SBF2: variants seen among roughly 807,000 people sequenced by gnomAD.
The protein encoded by SBF2 is myotubularin-related protein 13.
Under a neutral mutation model 225.2 loss-of-function variants are expected in SBF2, and 112 were observed. The observed-to-expected ratio is 0.50, with a 90% CI of 0.43 to 0.58. SBF2 has a LOEUF of 0.58. SBF2 is among the 20% of genes least tolerant of loss of function. SBF2 has a pLI of 0.00. For missense variants in SBF2, 1,996 were observed against 2,206.2 expected (o/e 0.90, Z 1.91); for synonymous variants, 763 against 773.3 (o/e 0.99, Z 0.22).
chr11:10,071,809 C>T (rs1950892279), intron 2 of SBF2, among the ~76,000 whole-genome samples: 2 of 152,078 alleles, frequency 1.3e-5, no homozygotes, highest in Admixed American at 6.6e-5. Flanking sequence ...TATTGATTTG[C>T]ATATGTTGAA....
At position 9,918,934 on chromosome 11, in the gene SBF2, C is replaced by G. The variant is rs1001626576; in HGVS notation, c.1861-22923G>C. The stretch of plus-strand genomic sequence containing the variant: ...TTTCTATTTTTTTTTAGTAGAGACG[C>G]GGTTTCACCGTGTTAGCCAGGATGG... On this transcript the variant is annotated intron_variant, in intron 16 of 39. Coordinates refer to ENST00000256190, the MANE Select transcript of SBF2 (RefSeq NM_030962.4). Among the ~76,000 whole-genome samples the G allele has an allele frequency of 7.2e-5, 11 of 151,834 alleles. No individual in the cohort carries two copies. In the South Asian group the frequency reaches 1.5e-3, roughly 20 times the overall value.
At chr11:10,019,146 G>C (rs183352961) in intron 6 of SBF2, among the ~76,000 whole-genome samples, 1 of 152,158 alleles carries the variant, frequency 6.6e-6, no homozygotes, top group Non-Finnish European at 1.5e-5. Flanking sequence ...TCAGGAGCTG[G>C]CACATAATAA....
chr11:9,973,740 C>T (rs1370942561), intron 13 of SBF2, among the ~76,000 whole-genome samples: 1 of 152,054 alleles, frequency 6.6e-6, no homozygotes, highest in African/African-American at 2.4e-5. Flanking sequence ...GAATACAAGG[C>T]TTGAAACTAA....
At chr11:10,226,071 G>A (rs1958524587) in intron 1 of SBF2, among the ~76,000 whole-genome samples, 1 of 152,062 alleles carries the variant, frequency 6.6e-6, no homozygotes, top group South Asian at 2.1e-4. Context: ...TGACCTATGT[G>A]TCATTTGGAT....
chr11:9,992,779 T>A (rs1222372048), intron 11 of SBF2, among the ~76,000 whole-genome samples: 2 of 151,826 alleles, frequency 1.3e-5, no homozygotes, highest in African/African-American at 2.4e-5. Flanking sequence ...AACATTCAAT[T>A]TTAAAAGAAA....
intron 32 of SBF2, among the ~76,000 whole-genome samples, chr11:9,806,752 A>G (rs1348096369): frequency 6.6e-6 from 1 of 152,140 alleles, no homozygotes; most frequent in Non-Finnish European, 1.5e-5. Flanking sequence ...GTGGGGTGAA[A>G]GGTTGGAAAG....
At chr11:10,046,380 G>C (rs910030279) in intron 2 of SBF2, among the ~76,000 whole-genome samples, 1 of 152,114 alleles carries the variant, frequency 6.6e-6, no homozygotes, top group Non-Finnish European at 1.5e-5. Flanking sequence ...AAAAATATTA[G>C]CAAGTTGAAT....
chr11:9,929,833 A>T (rs1218041795), intron 16 of SBF2, among the ~76,000 whole-genome samples: 1 of 152,212 alleles, frequency 6.6e-6, no homozygotes, highest in Non-Finnish European at 1.5e-5. Flanking sequence ...TTGAATCTTG[A>T]AGCACAGACA....
At chr11:9,913,559 T>C (rs1412950792) in intron 16 of SBF2, among the ~76,000 whole-genome samples, 1 of 152,136 alleles carries the variant, frequency 6.6e-6, no homozygotes, top group African/African-American at 2.4e-5. Flanking sequence ...CCTAGGTATA[T>C]ATTCTAACAC....
chr11:10,097,448 T>A (rs79620239), intron 2 of SBF2, among the ~76,000 whole-genome samples: 10,354 of 152,314 alleles, frequency 0.068, 533 homozygotes, highest in East Asian at 0.28. Context: ...AGTATTACTT[T>A]CCAGGCAAGT....
At chr11:9,864,346 T>C (rs973593670) in intron 17 of SBF2, among the ~76,000 whole-genome samples, 4 of 148,608 alleles carry the variant, frequency 2.7e-5, no homozygotes, top group African/African-American at 9.7e-5. Context: ...ATTCACTTGA[T>C]GTGCCAGATT....
intron 2 of SBF2, among the ~76,000 whole-genome samples, chr11:10,168,782 C>T (rs1436962285): frequency 4.6e-5 from 7 of 152,246 alleles, no homozygotes; most frequent in Admixed American, 6.5e-5. Flanking sequence ...TTTAAAACAA[C>T]GCAGGGTTCC....
At chr11:10,030,055 C>T (rs554391794) in intron 4 of SBF2, among the ~76,000 whole-genome samples, 180 bp from the exon 5 acceptor site, 1 of 152,240 alleles carries the variant, frequency 6.6e-6, no homozygotes, top group African/African-American at 2.4e-5. Context: ...AACCAGAACC[C>T]CCAAATGAGC....
chr11:9,993,183 C>A, intron 10 of SBF2, 80 bp from the exon 11 acceptor site: 3 of 1,004,290 alleles, frequency 3.0e-6, no homozygotes, highest in East Asian at 2.4e-5. Context: ...GTGAAAAGGG[C>A]ATATATTCCA....
intron 2 of SBF2, among the ~76,000 whole-genome samples, chr11:10,092,217 G>A (rs1454477013): frequency 6.6e-6 from 1 of 152,004 alleles, no homozygotes; most frequent in African/African-American, 2.4e-5. Context: ...GAACAGTAAG[G>A]GTCTCAGGCC....
chr11:10,177,816 T>C (rs930272341), intron 2 of SBF2, among the ~76,000 whole-genome samples: 5 of 149,566 alleles, frequency 3.3e-5, no homozygotes, highest in Admixed American at 1.3e-4. Flanking sequence ...TACCAATGAC[T>C]TTCTTCACAG....
chr11:10,067,727 T>G (rs1027862719), intron 2 of SBF2, among the ~76,000 whole-genome samples: 1 of 152,032 alleles, frequency 6.6e-6, no homozygotes, highest in Non-Finnish European at 1.5e-5. Flanking sequence ...AGACCCTGTC[T>G]CTATAAAAAA....
chr11:10,255,669 C>T (rs775815453), intron 1 of SBF2, among the ~76,000 whole-genome samples: 3 of 152,196 alleles, frequency 2.0e-5, no homozygotes, highest in East Asian at 1.9e-4. Flanking sequence ...AACTTTTTCA[C>T]ATTTATTATC....
At chr11:9,942,024 C>T (rs73402444) in intron 16 of SBF2, among the ~76,000 whole-genome samples, 2,155 of 152,174 alleles carry the variant, frequency 0.014, 57 homozygotes, top group African/African-American at 0.049. Flanking sequence ...AAACAGGGCA[C>T]CTAACAATAA....
Sources: allele counts gnomAD v4.1 joint callset (sites outside exome capture counted in the v4.1 genomes callset), GRCh38; gene constraint gnomAD v4.1.1; transcripts MANE v1.5; gene names NCBI Gene and HGNC (gene_info 2026-07-23, HGNC 2026-07-21).